Variants in DEFB123 observed in about 807,000 individuals in gnomAD.
DEFB123 encodes beta-defensin 123.
For missense variants in DEFB123, 71 were observed against 75.0 expected (o/e 0.95, Z 0.20); for synonymous variants, 22 against 28.3 (o/e 0.78, Z 0.71).
chr20:31,448,878 A>ATT lies in DEFB123; in HGVS notation c.59-1131_59-1130dup, dbSNP rs34804733. On this transcript the variant is annotated intron_variant, in intron 1 of 1. Coordinates refer to ENST00000376309, the MANE Select transcript of DEFB123 (RefSeq NM_153324.4). ...AGGCATGTGCCACCACGCCCAGCTA[A>ATT]TTTTTTTTTTTTTTTTTTTTTGTAT... Among the ~76,000 whole-genome samples, 185 of 119,936 alleles carry ATT rather than the reference A, an allele frequency of 1.5e-3. 1 individual carries two copies. Among genetic ancestry groups the ATT allele is most frequent in the African/African-American group, 4.4e-3 (140 of 31,834 alleles). The allele number at this position is 119,936 out of a possible 152,430, so 78.7% of individuals were successfully genotyped here.
Position 31,450,221 on chromosome 20 carries a change from G to A in DEFB123, c.*47G>A. 1 of 1,565,944 alleles carries A rather than the reference G, an allele frequency of 6.4e-7. No individual in the cohort carries two copies. Among genetic ancestry groups the A allele is most frequent in the East Asian group, 2.3e-5 (1 of 43,264 alleles). ...TGAAAATGCAGATGAAGCTCCCAGT[G>A]GATTCCCACACTCTATCAATAAACA... On this transcript the variant is annotated 3_prime_UTR_variant, in exon 2 of 2. Transcript: ENST00000376309.
chr20:31,441,463 G>T (rs983865229), intron 1 of DEFB123, among the ~76,000 whole-genome samples: 1 of 152,118 alleles, frequency 6.6e-6, no homozygotes, highest in Non-Finnish European at 1.5e-5. Context: ...GAGCATGGGA[G>T]TGTCGGGGAC....
chr20:31,449,975 C>T (rs780067817), intron 1 of DEFB123, 54 bp from the exon 2 acceptor site: 25 of 1,516,912 alleles, frequency 1.6e-5, no homozygotes, highest in African/African-American at 5.7e-5. Flanking sequence ...CTTTCAAATC[C>T]GGAGCCTACT....
intron 1 of DEFB123, among the ~76,000 whole-genome samples, chr20:31,446,692 AAATAAAAACATGCC>A (rs1476149424): frequency 6.6e-6 from 1 of 152,182 alleles, no homozygotes; most frequent in African/African-American, 2.4e-5. Context: ...GTCTCACCTC[AAATAAAAACATGCC>A]AATTCGCACA....
chr20:31,441,816 C>T (rs1358047868), intron 1 of DEFB123, among the ~76,000 whole-genome samples: 1 of 152,140 alleles, frequency 6.6e-6, no homozygotes, highest in African/African-American at 2.4e-5. Flanking sequence ...GCCCAGACCC[C>T]GGGTTAAAAC....
chr20:31,445,515 A>G (rs1979565499), intron 1 of DEFB123, among the ~76,000 whole-genome samples: 1 of 140,768 alleles, frequency 7.1e-6, no homozygotes, highest in Admixed American at 7.4e-5. Flanking sequence ...CTATTGTCCT[A>G]TCTCCCCAAA....
At chr20:31,442,020 T>C (rs565838411) in intron 1 of DEFB123, among the ~76,000 whole-genome samples, 97 of 152,304 alleles carry the variant, frequency 6.4e-4, no homozygotes, top group African/African-American at 2.1e-3. Flanking sequence ...CTCACCAAAC[T>C]TTCCCAGGAA....
At chr20:31,447,894 G>C (rs1234704149) in intron 1 of DEFB123, among the ~76,000 whole-genome samples, 1 of 142,772 alleles carries the variant, frequency 7.0e-6, no homozygotes, top group African/African-American at 2.6e-5. Context: ...TCACGCCATT[G>C]TCCTGCCTCA....
intron 1 of DEFB123, among the ~76,000 whole-genome samples, chr20:31,449,675 G>A (rs1979686217): frequency 6.6e-6 from 1 of 150,898 alleles, no homozygotes; most frequent in African/African-American, 2.4e-5. Flanking sequence ...AAACTCAGGT[G>A]GGAGAGTCCC....
At chr20:31,444,321 T>G (rs1979532956) in intron 1 of DEFB123, among the ~76,000 whole-genome samples, 1 of 152,170 alleles carries the variant, frequency 6.6e-6, no homozygotes, top group East Asian at 1.9e-4. Flanking sequence ...GAGTTCGTTC[T>G]TTATAATTTT....
intron 1 of DEFB123, among the ~76,000 whole-genome samples, chr20:31,443,065 C>T (rs1979505543): frequency 1.3e-5 from 2 of 152,104 alleles, no homozygotes; most frequent in Admixed American, 1.3e-4. Flanking sequence ...GGGTCAGGTC[C>T]TGTGCTGGAC....
intron 1 of DEFB123, among the ~76,000 whole-genome samples, chr20:31,447,066 C>A (rs948569748): frequency 2.0e-5 from 3 of 151,948 alleles, no homozygotes; most frequent in African/African-American, 7.2e-5. Context: ...AGTTTGAGAC[C>A]AGCCTGACCA....
intron 1 of DEFB123, among the ~76,000 whole-genome samples, chr20:31,442,822 G>T (rs1979501044): frequency 6.6e-6 from 1 of 151,958 alleles, no homozygotes; most frequent in Non-Finnish European, 1.5e-5. Context: ...TGCCCAGGCT[G>T]GTCTTGAATC....
At chr20:31,449,767 CAAAAA>C (rs59939526) in intron 1 of DEFB123, among the ~76,000 whole-genome samples, 1 of 52,484 alleles carries the variant, frequency 1.9e-5, no homozygotes, top group Non-Finnish European at 4.0e-5. Flanking sequence ...AGACTCATCT[CAAAAA>C]AAAAAAAAAA....
At chr20:31,448,716 T>TA (rs111397526) in intron 1 of DEFB123, among the ~76,000 whole-genome samples, 16 of 151,754 alleles carry the variant, frequency 1.1e-4, no homozygotes, top group African/African-American at 2.7e-4. Flanking sequence ...CATATATATA[T>TA]TTTTTTTTCT....
At chr20:31,442,596 C>CTTTTTTTT (rs397865886) in intron 1 of DEFB123, among the ~76,000 whole-genome samples, 2 of 105,868 alleles carry the variant, frequency 1.9e-5, no homozygotes, top group African/African-American at 3.8e-5. Flanking sequence ...AGGTCATTTG[C>CTTTTTTTT]TTTTTTTTTT....
In DEFB123 at chr20:31,448,484, A is replaced by T. The variant is rs551861483; in HGVS notation, c.59-1545A>T. On this transcript the variant is annotated intron_variant, in intron 1 of 1. Transcript: ENST00000376309. ...CCTCTCCTTTTAGTATTCCAATTATATGCATGTTAGACTACTTGTTATTGT... is the reference window on the plus strand; with the variant it reads ...CCTCTCCTTTTAGTATTCCAATTATTTGCATGTTAGACTACTTGTTATTGT... Among the ~76,000 whole-genome samples the T allele has an allele frequency of 2.6e-5, 4 of 151,946 alleles. No homozygotes were observed. In the Middle Eastern group the frequency reaches 0.014, roughly 517 times the overall value.
chr20:31,444,697 A>G (rs546211267), intron 1 of DEFB123, among the ~76,000 whole-genome samples: 2 of 152,338 alleles, frequency 1.3e-5, no homozygotes, highest in Admixed American at 1.3e-4. Flanking sequence ...TTTGTAAACT[A>G]AAACACAGAA....
chr20:31,441,748 T>G lies in DEFB123; in HGVS notation c.58+992T>G, dbSNP rs1432558268. On this transcript the variant is annotated intron_variant, in intron 1 of 1. Transcript: ENST00000376309. ...TGTGAATTTCCTAAACAAGCTGACC[T>G]CCGTCCTTGTGTCTTCCTGAGGCCC... Among the ~76,000 whole-genome samples the G allele has an allele frequency of 2.6e-5, 4 of 152,116 alleles. No homozygotes were observed. The East Asian group carries it at 7.7e-4, about 29-fold the overall frequency.
Sources: gnomAD v4.1 joint callset for allele counts (sites outside exome capture counted in the v4.1 genomes callset) on GRCh38, gnomAD v4.1.1 for gene constraint, MANE v1.5 for transcripts, NCBI Gene and HGNC (gene_info 2026-07-23, HGNC 2026-07-21) for gene names.